EPRS1: variants seen among roughly 807,000 people sequenced by gnomAD.
EPRS1 encodes glutamyl-prolyl-tRNA synthetase 1.
Under a neutral mutation model 188.3 loss-of-function variants are expected in EPRS1, and 107 were observed. The observed-to-expected ratio is 0.57, with a 90% CI of 0.49 to 0.67. The LOEUF (loss-of-function observed/expected upper bound fraction) is 0.67. Among genes scored for constraint, EPRS1 ranks in the 30% least tolerant of loss-of-function variants. EPRS1 has a pLI of 0.00. For missense variants in EPRS1, 1,577 were observed against 1,802.2 expected, an observed-to-expected ratio of 0.88 and a Z score of 2.26; for synonymous variants, 596 against 593.1, an observed-to-expected ratio of 1.00 and a Z score of -0.07.
intron 23 of EPRS1, 149 bp downstream of exon 23, chr1:219,982,623 A>G (rs1283457343): frequency 1.6e-6 from 1 of 615,280 alleles, no homozygotes; most frequent in Non-Finnish European, 2.9e-6. Flanking sequence ...AGACAACTTA[A>G]GTTTGCATTC....
intron 23 of EPRS1, among the ~76,000 whole-genome samples, chr1:219,981,696 T>C (rs1391969638): frequency 6.6e-6 from 1 of 152,248 alleles, no homozygotes; most frequent in Non-Finnish European, 1.5e-5. Flanking sequence ...TTTTACATTC[T>C]TCACAGATTT....
chr1:220,027,399 G>A (rs1286637026), intron 6 of EPRS1, among the ~76,000 whole-genome samples: 1 of 149,394 alleles, frequency 6.7e-6, no homozygotes, highest in African/African-American at 2.5e-5. Context: ...CTGCACTCCA[G>A]CCCGGGCGAC....
At chr1:219,996,353 T>C (rs943858500) in intron 18 of EPRS1, among the ~76,000 whole-genome samples, 4 of 152,242 alleles carry the variant, frequency 2.6e-5, no homozygotes, top group Non-Finnish European at 5.9e-5. Flanking sequence ...TGAATACACC[T>C]TGTACCTGCT....
chr1:220,018,707 A>T (rs980696834), intron 11 of EPRS1, among the ~76,000 whole-genome samples, 199 bp from the exon 12 acceptor site: 1 of 152,118 alleles, frequency 6.6e-6, no homozygotes, highest in Non-Finnish European at 1.5e-5. Flanking sequence ...TTCAGTCTAC[A>T]GACTGCTCAC....
intron 28 of EPRS1, among the ~76,000 whole-genome samples, chr1:219,974,735 TTTAG>T (rs1660743522): frequency 6.6e-6 from 1 of 152,220 alleles, no homozygotes; most frequent in African/African-American, 2.4e-5. Context: ...ATTTTATTGC[TTTAG>T]TTATTTATCC....
At position 220,007,275 on chromosome 1, in the gene EPRS1, C is replaced by G. The variant is rs759407594; in HGVS notation, c.1669G>C (p.Ala557Pro). Residue 557 changes from alanine (A) to proline (P), a missense_variant, in exon 14 of 32, where the codon GCA becomes CCA. Coordinates refer to ENST00000366923, the MANE Select transcript of EPRS1 (RefSeq NM_004446.3). ...SPKVFIEGAD[A>P]ETFSEGEMVT... ...ATCTCACCCTCCGAAAAAGTCTCTG[C>G]ATCAGCACCTTCAATGAAAACTTTG... is the stretch of plus-strand genomic sequence containing the variant. 1.2e-6 allele frequency: 2 copies of G among 1,613,858 alleles called. No homozygotes were observed.
At chr1:220,043,906 G>T (rs1016344272) in intron 1 of EPRS1, among the ~76,000 whole-genome samples, 1 of 152,144 alleles carries the variant, frequency 6.6e-6, no homozygotes, top group African/African-American at 2.4e-5. Context: ...ACTATGGAGG[G>T]TCTGGTTGTA....
chr1:219,985,889 G>A (rs1454126227), intron 20 of EPRS1, among the ~76,000 whole-genome samples: 1 of 152,162 alleles, frequency 6.6e-6, no homozygotes, highest in Non-Finnish European at 1.5e-5. Flanking sequence ...AAATTTTAAT[G>A]TATTTGCATT....
At chr1:220,010,308 T>G (rs1376731652) in intron 13 of EPRS1, among the ~76,000 whole-genome samples, 1 of 152,084 alleles carries the variant, frequency 6.6e-6, no homozygotes, top group Non-Finnish European at 1.5e-5. Flanking sequence ...GGAGCTTGAA[T>G]TATAACTCAT....
chr1:220,013,053 T>C (rs1017634355), intron 12 of EPRS1, among the ~76,000 whole-genome samples: 1 of 152,202 alleles, frequency 6.6e-6, no homozygotes, highest in Non-Finnish European at 1.5e-5. Context: ...CTGAAATACA[T>C]ACATTTTAAA....
chr1:220,018,356 CTT>C (rs1571687414), intron 12 of EPRS1, 91 bp downstream of exon 12: 1 of 1,116,558 alleles, frequency 9.0e-7, no homozygotes, highest in African/African-American at 1.6e-5. Flanking sequence ...TCTTCACAAA[CTT>C]TTCTCTACCA....
chr1:220,018,589 A>AG, intron 11 of EPRS1, 81 bp from the exon 12 acceptor site: 7 of 695,826 alleles, frequency 1.0e-5, no homozygotes, highest in South Asian at 8.1e-5. Flanking sequence ...AAGCATGTTT[A>AG]GAAAAAAAAA....
intron 21 of EPRS1, 63 bp downstream of exon 21, chr1:219,984,143 C>A: frequency 8.8e-7 from 1 of 1,140,120 alleles, no homozygotes; most frequent in Non-Finnish European, 1.3e-6. Context: ...ATTTTAGAAT[C>A]TGAACATAAA....
At chr1:219,985,784 A>G (rs934173097) in intron 20 of EPRS1, among the ~76,000 whole-genome samples, 1 of 152,222 alleles carries the variant, frequency 6.6e-6, no homozygotes, top group African/African-American at 2.4e-5. Flanking sequence ...TAAAAAAACT[A>G]TTTCAGACAA....
chr1:220,020,669 A>G (rs1163054696), intron 9 of EPRS1, among the ~76,000 whole-genome samples: 1 of 143,540 alleles, frequency 7.0e-6, no homozygotes, highest in Non-Finnish European at 1.5e-5. Context: ...ACTCAAACAC[A>G]CTCAAAAACA....
intron 8 of EPRS1, among the ~76,000 whole-genome samples, 154 bp downstream of exon 8, chr1:220,024,110 C>T (rs1485249701): frequency 1.3e-5 from 2 of 152,152 alleles, no homozygotes; most frequent in Non-Finnish European, 2.9e-5. Flanking sequence ...CGAGATCGCG[C>T]CATTGTACTC....
chr1:219,997,000 C>A lies in EPRS1; in HGVS notation c.2524G>T (p.Ala842Ser). ...AQGEVVRKLK[A>S]EKSPKAKINE... ...ATACTGACCTTAGGGGATTTTTCAG[C>A]TTTTAGCTTACGAACCACCTCCCCT... Residue 842 changes from alanine (A) to serine (S), a missense_variant, in exon 18 of 32, where the codon GCT (alanine) becomes TCT (serine). Physicochemically the swap from Ala to Ser is moderately conservative, Grantham distance 99. Transcript: ENST00000366923. The A allele has an allele frequency of 6.2e-7, 1 of 1,600,374 alleles. No homozygotes were observed. Among genetic ancestry groups the A allele is most frequent in the Non-Finnish European group, 8.5e-7 (1 of 1,175,194 alleles).
rs775396857 is a variant in EPRS1 at position 219,980,093 on chromosome 1, C to A, written c.3703G>T (p.Ala1235Ser). The change falls in exon 26 of 32, where the codon GCT (alanine) becomes TCT (serine). Residue 1235 changes from alanine to serine, a missense_variant. Physicochemically the swap from Ala to Ser is moderately conservative, Grantham distance 99. Around this residue, in one of 3 missense-constraint regions of EPRS1, gnomAD observed 3 missense variants for 16.9 expected, o/e 0.18. Coordinates refer to ENST00000366923, the MANE Select transcript of EPRS1 (RefSeq NM_004446.3). ...GTGTGGCAGTTTGATACCTGGATAG[C>A]TCTTCCACTAGCAGATATAAATGCT... ...IEAFISASGR[A>S]IQGGTSHHLG... 1.2e-6 allele frequency: 2 copies of A among 1,613,436 alleles called. No individual in the cohort carries two copies. The highest frequency in any genetic ancestry group is 1.7e-6 in the Non-Finnish European group (2 of 1,179,718).
intron 18 of EPRS1, among the ~76,000 whole-genome samples, chr1:219,990,767 G>T (rs1284329934): frequency 6.6e-6 from 1 of 152,148 alleles, no homozygotes; most frequent in Non-Finnish European, 1.5e-5. Context: ...AATGGATGGA[G>T]AACAAATTAT....
Sources: gnomAD v4.1 joint callset for allele counts (sites outside exome capture counted in the v4.1 genomes callset) on GRCh38, gnomAD v4.1.1 for gene constraint, gnomAD v4.1.1 regional missense constraint, MANE v1.5 for transcripts, NCBI Gene and HGNC (gene_info 2026-07-23, HGNC 2026-07-21) for gene names.